Variants in ZBTB20 observed in about 807,000 individuals in gnomAD.
The protein encoded by ZBTB20 is zinc finger and BTB domain containing 20.
In ZBTB20, 9 loss-of-function variants were observed where a neutral mutation model predicts 56.9. That is an observed-to-expected ratio of 0.16 (90% CI 0.10 to 0.28). The LOEUF is 0.28. Ranked by LOEUF, ZBTB20 falls within the 10% of genes least tolerant of loss-of-function variation. The probability of loss-of-function intolerance (pLI) is 1.00; values close to 1 mark genes in which losing one functional copy is unlikely to be tolerated. For synonymous variants in ZBTB20, 417 were observed against 420.7 expected, an observed-to-expected ratio of 0.99 and a Z score of 0.11; for missense variants, 655 against 1,003.0, an observed-to-expected ratio of 0.65 and a Z score of 4.69.
At chr3:114,764,323 T>C (rs1157639582) in intron 5 of ZBTB20, among the ~76,000 whole-genome samples, 1 of 151,140 alleles carries the variant, frequency 6.6e-6, no homozygotes, top group East Asian at 1.9e-4. Flanking sequence ...CAAACAGATA[T>C]GCTCACTGTG....
chr3:115,081,900 G>C (rs2082808748), intron 1 of ZBTB20, among the ~76,000 whole-genome samples: 1 of 152,108 alleles, frequency 6.6e-6, no homozygotes, highest in South Asian at 2.1e-4. Context: ...TGACTGGCAG[G>C]AATGTATCTC....
intron 10 of ZBTB20, among the ~76,000 whole-genome samples, chr3:114,355,081 C>T (rs770517035): frequency 6.6e-6 from 1 of 152,050 alleles, no homozygotes; most frequent in Non-Finnish European, 1.5e-5. Context: ...CGAGAGTTAT[C>T]TTAATTCTCA....
At chr3:114,489,262 T>C (rs2042468608) in intron 7 of ZBTB20, among the ~76,000 whole-genome samples, 1 of 152,200 alleles carries the variant, frequency 6.6e-6, no homozygotes, top group Non-Finnish European at 1.5e-5. Flanking sequence ...TCTTCAGTCA[T>C]TAGCAATTAC....
chr3:114,627,318 C>T (rs977811148), intron 6 of ZBTB20, among the ~76,000 whole-genome samples: 1 of 152,146 alleles, frequency 6.6e-6, no homozygotes. Flanking sequence ...TTATTTGCTA[C>T]TGGTTTACTT....
chr3:114,800,563 G>A (rs1389598699), intron 5 of ZBTB20, among the ~76,000 whole-genome samples: 1 of 151,762 alleles, frequency 6.6e-6, no homozygotes, highest in Non-Finnish European at 1.5e-5. Context: ...ACGCACACAA[G>A]GGAATTATGC....
chr3:114,820,516 A>C (rs1451300524), intron 4 of ZBTB20, among the ~76,000 whole-genome samples: 1 of 151,930 alleles, frequency 6.6e-6, no homozygotes, highest in Non-Finnish European at 1.5e-5. Flanking sequence ...CGTTATATAT[A>C]TTTTCTATTT....
intron 5 of ZBTB20, among the ~76,000 whole-genome samples, chr3:114,760,696 C>T (rs527290954): frequency 3.3e-5 from 5 of 152,266 alleles, no homozygotes; most frequent in African/African-American, 1.2e-4. Flanking sequence ...CTAGCACTGG[C>T]ACATAGTAAC....
intron 6 of ZBTB20, among the ~76,000 whole-genome samples, chr3:114,587,287 G>A (rs147096109): frequency 1.3e-5 from 2 of 152,138 alleles, no homozygotes; most frequent in African/African-American, 2.4e-5. Context: ...GTGAGCCACC[G>A]TGCCTGGCCC....
intron 5 of ZBTB20, among the ~76,000 whole-genome samples, chr3:114,782,512 T>A (rs1221170891): frequency 6.6e-6 from 1 of 152,190 alleles, no homozygotes; most frequent in African/African-American, 2.4e-5. Context: ...AGTTTATACA[T>A]GTGTAAGTTT....
chr3:114,986,000 G>C (rs1309763481), intron 2 of ZBTB20, among the ~76,000 whole-genome samples: 2 of 152,022 alleles, frequency 1.3e-5, no homozygotes, highest in African/African-American at 2.4e-5. Flanking sequence ...GAAGGGGGTG[G>C]GATGCATTTG....
chr3:114,484,779 G>C (rs1412005166), intron 7 of ZBTB20, among the ~76,000 whole-genome samples: 1 of 150,160 alleles, frequency 6.7e-6, no homozygotes, highest in Non-Finnish European at 1.5e-5. Flanking sequence ...ATAGGCAGGA[G>C]AAAAGCTCAT....
At chr3:114,781,977 C>A (rs2070138742) in intron 5 of ZBTB20, among the ~76,000 whole-genome samples, 1 of 152,142 alleles carries the variant, frequency 6.6e-6, no homozygotes, top group African/African-American at 2.4e-5. Context: ...CCCAGTCTTG[C>A]ATGTCTTTAT....
chr3:114,964,604 A>T (rs1288062043), intron 3 of ZBTB20, among the ~76,000 whole-genome samples: 1 of 152,174 alleles, frequency 6.6e-6, no homozygotes, highest in Non-Finnish European at 1.5e-5. Context: ...AGTAAGAGCA[A>T]AGGCAGAAAG....
intron 6 of ZBTB20, among the ~76,000 whole-genome samples, chr3:114,569,796 C>T (rs1042317469): frequency 4.0e-5 from 6 of 151,460 alleles, no homozygotes; most frequent in Middle Eastern, 3.2e-3. Context: ...AACACAGAGT[C>T]GATCACTAAG....
At chr3:114,541,902 C>T (rs138474981) in intron 6 of ZBTB20, among the ~76,000 whole-genome samples, 25 of 152,052 alleles carry the variant, frequency 1.6e-4, no homozygotes, top group African/African-American at 5.3e-4. Flanking sequence ...TTAGGAAGAA[C>T]GAGTGAAGTA....
Position 114,917,431 on chromosome 3 carries a change from A to C in ZBTB20, c.-455-17089T>G, listed in dbSNP as rs1209253378. Among the ~76,000 whole-genome samples, 3 of 152,124 alleles carry C rather than the reference A, an allele frequency of 2.0e-5. No individual in the cohort carries two copies. In the South Asian group the frequency reaches 6.2e-4, roughly 32 times the overall value. On this transcript the variant is annotated intron_variant, in intron 3 of 11. Transcript: ENST00000675478. ...GTCTTGATGCTTGTGGATGTCTGTT[A>C]ATGTCTACACAGTGAAGAAGTAGGT...
At chr3:114,394,266 C>T (rs770175618) in intron 7 of ZBTB20, among the ~76,000 whole-genome samples, 7 of 152,242 alleles carry the variant, frequency 4.6e-5, no homozygotes, top group African/African-American at 9.6e-5. Context: ...CGTAACAGGT[C>T]GAAGTTTAGA....
At chr3:114,846,689 G>C (rs1326734556) in intron 4 of ZBTB20, among the ~76,000 whole-genome samples, 2 of 152,154 alleles carry the variant, frequency 1.3e-5, no homozygotes, top group African/African-American at 4.8e-5. Flanking sequence ...TTAAACAATT[G>C]TTTCTCTATG....
At chr3:114,353,903 AGACTG>A (rs1200909703) in intron 10 of ZBTB20, among the ~76,000 whole-genome samples, 9 of 152,224 alleles carry the variant, frequency 5.9e-5, no homozygotes, top group Non-Finnish European at 1.0e-4. Flanking sequence ...AATTGCTGGT[AGACTG>A]GCATTTAAAC....
Sources: gnomAD v4.1 joint callset for allele counts (sites outside exome capture counted in the v4.1 genomes callset) on GRCh38, gnomAD v4.1.1 for gene constraint, MANE v1.5 for transcripts, NCBI Gene and HGNC (gene_info 2026-07-23, HGNC 2026-07-21) for gene names.